The following RNF8 variants were observed in gnomAD, a reference collection of about 807,000 sequenced individuals.
RNF8 encodes the protein E3 ubiquitin-protein ligase RNF8.
A neutral mutation model predicts 59.3 loss-of-function variants in RNF8; 8 were observed. The ratio of observed to expected loss-of-function variants is 0.13; its 90% CI spans 0.08 to 0.24. The LOEUF is 0.24. Ranked by LOEUF, RNF8 falls within the 10% of genes least tolerant of loss-of-function variation. The pLI is 1.00. For synonymous variants in RNF8, 162 were observed against 200.0 expected (o/e 0.81, Z 1.60); for missense variants, 406 against 572.6 (o/e 0.71, Z 2.97).
In RNF8 at chr6:37,372,024, T is replaced by C. The variant is rs1225439269; in HGVS notation, c.1038+450T>C. 1.3e-5 allele frequency among the ~76,000 whole-genome samples: 2 copies of C among 152,192 alleles called. 1 individual carries two copies. The highest frequency in any genetic ancestry group is 2.9e-5 in the Non-Finnish European group (2 of 68,026). On this transcript the variant is annotated intron_variant, in intron 4 of 7. Transcript: ENST00000373479. Reference sequence around the variant, plus strand: ...TTTAGGCCAGGTTGAGAATGTGCAGTTTAACAATCAACAACACATATCAAT... The same window carrying C: ...TTTAGGCCAGGTTGAGAATGTGCAGCTTAACAATCAACAACACATATCAAT...
intron 5 of RNF8, among the ~76,000 whole-genome samples, 159 bp downstream of exon 5, chr6:37,374,868 C>T (rs1408344986): frequency 7.2e-5 from 11 of 152,202 alleles, no homozygotes; most frequent in Non-Finnish European, 1.0e-4. Flanking sequence ...ATAGCAGGTT[C>T]TGCCTGTCAG....
chr6:37,354,049 G>A lies in RNF8; in HGVS notation c.-116G>A, dbSNP rs1242601203. The A allele has an allele frequency of 1.1e-6, 1 of 874,420 alleles. No individual in the cohort carries two copies. Among genetic ancestry groups the A allele is most frequent in the Non-Finnish European group, 1.8e-6 (1 of 545,372 alleles). 54.2% of individuals were successfully genotyped at this position (874,420 alleles called of 1,614,324 possible). On this transcript the variant is annotated 5_prime_UTR_variant, in exon 1 of 8. In the 5' UTR this introduces an upstream ATG that the reference lacks. Transcript: ENST00000373479. ...CTGCTTTCGCAGCGATCGCGAGCGT[G>A]TGGCGATTGCTTCTGTCTGTTATTT...
chr6:37,387,029 C>T (rs1269795144), intron 7 of RNF8, among the ~76,000 whole-genome samples: 2 of 152,122 alleles, frequency 1.3e-5, no homozygotes, highest in Non-Finnish European at 2.9e-5. Context: ...GCGTCATTAA[C>T]CAAAGCAGCT....
intron 7 of RNF8, among the ~76,000 whole-genome samples, chr6:37,385,927 T>C (rs1264671039): frequency 6.6e-6 from 1 of 151,648 alleles, no homozygotes; most frequent in African/African-American, 2.4e-5. Flanking sequence ...CTTGGCCTTC[T>C]GGGCTCAGGT....
chr6:37,378,926 C>T (rs1770136935), intron 6 of RNF8, among the ~76,000 whole-genome samples: 1 of 152,142 alleles, frequency 6.6e-6, no homozygotes, highest in Admixed American at 6.5e-5. Flanking sequence ...AACAACTTGA[C>T]CCTGTGTTTT....
rs896511523 is a variant in RNF8, at chr6:37,360,979, T to C, written c.240+405T>C. Among the ~76,000 whole-genome samples, 1 of 152,160 alleles carries C rather than the reference T, an allele frequency of 6.6e-6. No homozygotes were observed. Among genetic ancestry groups the C allele is most frequent in the African/African-American group, 2.4e-5 (1 of 41,440 alleles). ...AGGGAGAAACTGATCTGATTGCGCT[T>C]AGCTCCTTTCCTTCCTCACTCCTTT... On this transcript the variant is annotated intron_variant, in intron 2 of 7. Transcript: ENST00000373479. This position sits in a 1 kb window ranked among gnomAD's most constrained non-coding sequence, Gnocchi z 4.2.
intron 2 of RNF8, chr6:37,361,263 C>A (rs901531614): frequency 2.2e-5 from 10 of 454,474 alleles, no homozygotes; most frequent in African/African-American, 4.0e-5. Flanking sequence ...CCCATGAATT[C>A]TGGGTTATAG....
At chr6:37,371,065 A>T (rs1041809921) in intron 3 of RNF8, among the ~76,000 whole-genome samples, 8 of 152,158 alleles carry the variant, frequency 5.3e-5, no homozygotes, top group Non-Finnish European at 1.2e-4. Context: ...AGCAGTGTAT[A>T]AACTGAAGTG....
rs768434829 is a variant in RNF8, at chr6:37,371,536, A to G, written c.1000A>G (p.Lys334Glu). Reference protein sequence around the residue: ...LQGLEIAQGEKDLKQQLAQAL... With the variant: ...LQGLEIAQGEEDLKQQLAQAL... ...GGGTTTGGAGATAGCCCAAGGAGAA[A>G]AGGACCTGAAGCAACAGCTGGCCCA... is the stretch of plus-strand genomic sequence containing the variant. Residue 334 changes from lysine (K) to glutamate (E), a missense_variant, in exon 4 of 8, where the codon AAG becomes GAG. Physicochemically the swap from Lys to Glu is moderately conservative, Grantham distance 56 (BLOSUM62 1). Transcript: ENST00000373479. The G allele has an allele frequency of 6.2e-7, 1 of 1,614,054 alleles. No homozygotes were observed. The highest frequency in any genetic ancestry group is 8.5e-7 in the Non-Finnish European group (1 of 1,179,962).
intron 2 of RNF8, among the ~76,000 whole-genome samples, chr6:37,365,837 T>C (rs149610053): frequency 7.2e-5 from 11 of 152,360 alleles, no homozygotes; most frequent in African/African-American, 2.6e-4. Context: ...TGAGATCATA[T>C]CTGGCAGTAC....
At chr6:37,388,935 TAAAA>T (rs10667248) in intron 7 of RNF8, among the ~76,000 whole-genome samples, 2 of 139,892 alleles carry the variant, frequency 1.4e-5, no homozygotes, top group African/African-American at 5.5e-5. Flanking sequence ...CCTATCTCTT[TAAAA>T]AAAAAAAAAG....
At chr6:37,383,931 C>T (rs907665379) in intron 7 of RNF8, among the ~76,000 whole-genome samples, 20 of 152,154 alleles carry the variant, frequency 1.3e-4, no homozygotes, top group Admixed American at 7.2e-4. Context: ...CCTCCCCTCC[C>T]GTTTCTTCTG....
intron 7 of RNF8, among the ~76,000 whole-genome samples, chr6:37,385,717 T>C (rs933361456): frequency 2.0e-5 from 3 of 152,190 alleles, no homozygotes; most frequent in Non-Finnish European, 4.4e-5. Flanking sequence ...ACATTATTGT[T>C]ACTAGAAGCT....
In RNF8 at chr6:37,381,140, C is replaced by T; in HGVS notation, c.1237-10C>T. 6.2e-7 allele frequency: 1 copy of T among 1,610,592 alleles called. No individual in the cohort carries two copies. The highest frequency in any genetic ancestry group is 8.5e-7 in the Non-Finnish European group (1 of 1,176,774). On this transcript the variant is annotated splice_polypyrimidine_tract_variant and intron_variant, in intron 6 of 7. Transcript: ENST00000373479. ...AAGTTCTGATATGTGTGTCCACATT[C>T]CTACTGTAGGCTGTCACCTTGAACT...
chr6:37,377,430 T>G (rs1054101655), intron 6 of RNF8, among the ~76,000 whole-genome samples: 3 of 152,190 alleles, frequency 2.0e-5, no homozygotes, highest in Non-Finnish European at 2.9e-5. Context: ...ACAGGCTGCT[T>G]CTACTATAGG....
chr6:37,355,839 A>T (rs1232512485), intron 1 of RNF8, among the ~76,000 whole-genome samples: 1 of 152,214 alleles, frequency 6.6e-6, no homozygotes, highest in South Asian at 2.1e-4. Context: ...GAAGTTTAAC[A>T]AATTAAAACA....
chr6:37,384,395 G>GC (rs1012701761), intron 7 of RNF8, among the ~76,000 whole-genome samples: 4 of 152,008 alleles, frequency 2.6e-5, no homozygotes, highest in African/African-American at 7.3e-5. Flanking sequence ...ACCCCGCTCC[G>GC]CCCCCCAAAG....
intron 4 of RNF8, among the ~76,000 whole-genome samples, chr6:37,374,197 C>T (rs191219653): frequency 1.3e-5 from 2 of 152,290 alleles, no homozygotes; most frequent in African/African-American, 2.4e-5. Flanking sequence ...AAGCTGCTTC[C>T]AGTTCTGAAT....
chr6:37,369,017 G>T lies in RNF8; in HGVS notation c.774G>T (p.Arg258Ser). The T allele has an allele frequency of 6.2e-7, 1 of 1,614,164 alleles. No homozygotes were observed. The highest frequency in any genetic ancestry group is 8.5e-7 in the Non-Finnish European group (1 of 1,180,024). The change falls in exon 3 of 8, where the codon AGG (arginine) becomes AGT (serine). Residue 258 changes from arginine to serine, a missense_variant. Transcript: ENST00000373479. ...MFKVTMSRILRLKIQMQEKHE... is the reference protein window; with the variant it reads ...MFKVTMSRILSLKIQMQEKHE... ...AGGTGACCATGTCCAGGATTCTGAG[G>T]CTCAAAATACAGATGCAGGAAAAAC...
Sources: gnomAD v4.1 joint callset for allele counts (sites outside exome capture counted in the v4.1 genomes callset) on GRCh38, gnomAD v4.1.1 for gene constraint, Gnocchi (gnomAD v3.1) non-coding constraint, MANE v1.5 for transcripts, NCBI Gene and HGNC (gene_info 2026-07-23, HGNC 2026-07-21) for gene names.